Variants in TMEM204 observed in about 807,000 individuals in gnomAD.
The protein encoded by TMEM204 is claudin-like protein 24.
Under a neutral mutation model 19.4 loss-of-function variants are expected in TMEM204, and 15 were observed. The ratio of observed to expected loss-of-function variants is 0.77; its 90% CI spans 0.52 to 1.19. The LOEUF is 1.19. Among genes scored for constraint, TMEM204 ranks in the 50% most tolerant of loss-of-function variants. TMEM204 has a pLI of 0.00. For synonymous variants in TMEM204, 161 were observed against 146.0 expected (o/e 1.10, Z -0.74); for missense variants, 287 against 321.2 (o/e 0.89, Z 0.81).
chr16:1,553,214 CTCTCTGTCTCCATCTG>C lies in TMEM204; in HGVS notation c.437-1560_437-1545del. On this transcript the variant is annotated intron_variant, in intron 2 of 2. Transcript: ENST00000566264. This position sits in a 1 kb window ranked among gnomAD's most constrained non-coding sequence, Gnocchi z 4.4. The stretch of plus-strand genomic sequence containing the variant: ...CTTCCCTGTGTCTCTGTCTCTGTCT[CTCTCTGTCTCCATCTG>C]TCTCTGTGTCTGTCTCTGTCTCTCT... The C allele has an allele frequency of 1.0e-6, 1 of 981,154 alleles. No homozygotes were observed. The highest frequency in any genetic ancestry group is 1.2e-6 in the Non-Finnish European group (1 of 826,090). 60.8% of individuals were successfully genotyped at this position (981,154 alleles called of 1,614,324 possible).
chr16:1,553,887 T>C lies in TMEM204; in HGVS notation c.437-895T>C, dbSNP rs148795935. 560 of 1,263,502 alleles carry C rather than the reference T, an allele frequency of 4.4e-4. 5 individuals are homozygous for C. The African/African-American group carries it at 8.0e-3, about 18-fold the overall frequency. 78.3% of individuals were successfully genotyped at this position (1,263,502 alleles called of 1,614,324 possible). ...TTGGTAGACTCTAGTCACGAAACCC[T>C]GATTTTCCTGTTGTAAGAACTAAAA... On this transcript the variant is annotated intron_variant, in intron 2 of 2. Coordinates refer to ENST00000566264, the MANE Select transcript of TMEM204 (RefSeq NM_024600.6). This position sits in a 1 kb window ranked among gnomAD's most constrained non-coding sequence, Gnocchi z 4.4.
rs2032842397 is a variant in TMEM204 at position 1,553,453 on chromosome 16, G to A, written c.437-1329G>A. The A allele has an allele frequency of 1.0e-6, 1 of 985,456 alleles. No individual in the cohort carries two copies. The highest frequency in any genetic ancestry group is 4.7e-5 in the South Asian group (1 of 21,290). 61.0% of individuals were successfully genotyped at this position (985,456 alleles called of 1,614,324 possible). A position where few individuals can be genotyped will look rare whatever the true frequency, so the allele number is the denominator to read the frequency against. On this transcript the variant is annotated intron_variant, in intron 2 of 2. Transcript: ENST00000566264. This position sits in a 1 kb window ranked among gnomAD's most constrained non-coding sequence, Gnocchi z 4.4. ...AGAGACCGGCATGAACAGACGCACA[G>A]GTGTCAACATGCAGGCCAGGCGGAG...
In TMEM204 at chr16:1,541,916, C is replaced by A; in HGVS notation, c.281-5C>A. 6.3e-7 allele frequency: 1 copy of A among 1,589,994 alleles called. No homozygotes were observed. The highest frequency in any genetic ancestry group is 1.1e-5 in the South Asian group (1 of 88,112). ...CACCACTGCCTCTCTGCTCTTGGCC[C>A]ACAGTGCAGTTCGACATGATGCGCG... On this transcript the variant is annotated splice_polypyrimidine_tract_variant and splice_region_variant and intron_variant, in intron 1 of 2. Coordinates refer to ENST00000566264, the MANE Select transcript of TMEM204 (RefSeq NM_024600.6).
In TMEM204 at chr16:1,549,488, G is replaced by A. The variant is rs895586613; in HGVS notation, c.437-5294G>A. ...GTTGCCCAGGCTGGAGGGCAATGGC[G>A]TGCAATCTCGGCTCACCGCCGCAAG... On this transcript the variant is annotated intron_variant, in intron 2 of 2. Transcript: ENST00000566264. Among the ~76,000 whole-genome samples, 7 of 152,270 alleles carry A rather than the reference G, an allele frequency of 4.6e-5. No individual in the cohort carries two copies. In the South Asian group the frequency reaches 6.2e-4, roughly 14 times the overall value.
chr16:1,548,772 A>C (rs1261872752), intron 2 of TMEM204, among the ~76,000 whole-genome samples: 1 of 152,244 alleles, frequency 6.6e-6, no homozygotes, highest in Non-Finnish European at 1.5e-5. Flanking sequence ...CGGCATCCAC[A>C]GCGCAGTGCG....
chr16:1,540,924 C>G (rs967754971), intron 1 of TMEM204: 3 of 985,446 alleles, frequency 3.0e-6, no homozygotes, highest in Non-Finnish European at 3.6e-6. Context: ...TGTCAGCACA[C>G]ACATTGTCTG....
upstream of TMEM204, among the ~76,000 whole-genome samples, chr16:1,529,150 C>T (rs3784828): frequency 0.2 from 30,006 of 152,168 alleles, 3,709 homozygotes; most frequent in African/African-American, 0.34. Flanking sequence ...TACATGTACT[C>T]GGGTGAATTC....
At chr16:1,535,179 C>G (rs2030940019) in intron 1 of TMEM204, among the ~76,000 whole-genome samples, 1 of 152,052 alleles carries the variant, frequency 6.6e-6, no homozygotes, top group South Asian at 2.1e-4. Context: ...CAGCAGGATC[C>G]CCAGGGATGA....
intron 1 of TMEM204, among the ~76,000 whole-genome samples, chr16:1,535,793 C>T (rs886789243): frequency 2.0e-5 from 3 of 152,250 alleles, no homozygotes; most frequent in Admixed American, 6.5e-5. Flanking sequence ...CACTTCCTCT[C>T]GCATCCTTCA....
At position 1,551,098 on chromosome 16, in the gene TMEM204, C is replaced by T. The variant is rs975841155; in HGVS notation, c.437-3684C>T. On this transcript the variant is annotated intron_variant, in intron 2 of 2. Coordinates refer to ENST00000566264, the MANE Select transcript of TMEM204 (RefSeq NM_024600.6). This position sits in a 1 kb window ranked among gnomAD's most constrained non-coding sequence, Gnocchi z 4.0. ...TCCTCGCCTTTCCCGCAGCTCCACA[C>T]TGCATTCTGTTCTGTTTCACGTCTA... Among the ~76,000 whole-genome samples, 2 of 152,382 alleles carry T rather than the reference C, an allele frequency of 1.3e-5. No individual in the cohort carries two copies. The highest frequency in any genetic ancestry group is 4.8e-5 in the African/African-American group (2 of 41,592).
At chr16:1,543,414 C>T (rs971260925) in intron 2 of TMEM204, among the ~76,000 whole-genome samples, 4 of 152,144 alleles carry the variant, frequency 2.6e-5, no homozygotes, top group African/African-American at 4.8e-5. Context: ...GCTCTCTGAG[C>T]GCTATTAATA....
At position 1,553,575 on chromosome 16, in the gene TMEM204, G is replaced by A. The variant is rs2281236; in HGVS notation, c.437-1207G>A. 339,387 of 1,016,652 alleles carry A rather than the reference G, an allele frequency of 0.33. 60,664 individuals are homozygous for A. Among genetic ancestry groups the A allele is most frequent in the African/African-American group, 0.63 (36,832 of 58,446 alleles). 63.0% of individuals were successfully genotyped at this position (1,016,652 alleles called of 1,614,324 possible). On this transcript the variant is annotated intron_variant, in intron 2 of 2. Coordinates refer to ENST00000566264, the MANE Select transcript of TMEM204 (RefSeq NM_024600.6). This position sits in a 1 kb window ranked among gnomAD's most constrained non-coding sequence, Gnocchi z 4.4. ...GCTGGAGAGTTTAATCTGGACCAGT[G>A]TAAGTTACAGAGAGTCTCTGGCACT...
intron 1 of TMEM204, 132 bp downstream of exon 1, chr16:1,534,687 C>A: frequency 7.4e-7 from 1 of 1,345,628 alleles, no homozygotes; most frequent in East Asian, 2.3e-5. Context: ...GGCCTCTGGG[C>A]AGGCAGGAGG....
chr16:1,541,975 C>T lies in TMEM204; in HGVS notation c.335C>T (p.Ala112Val). The T allele has an allele frequency of 6.2e-7, 1 of 1,611,030 alleles. No homozygotes were observed. Among genetic ancestry groups the T allele is most frequent in the Non-Finnish European group, 8.5e-7 (1 of 1,179,666 alleles). ...CTGGTGGCCACGGCCGCGCTCACCG[C>T]AGGCCAGCTCACCTTCCTCCTGGGG... ...CNLVATAALT[A>V]GQLTFLLGLV... Residue 112 changes from alanine (A) to valine (V), a missense_variant, in exon 2 of 3, where the codon GCA (alanine) becomes GTA (valine). Transcript: ENST00000566264.
chr16:1,555,324 G>A lies in TMEM204; in HGVS notation c.*298G>A, dbSNP rs1040617554. 6 of 400,584 alleles carry A rather than the reference G, an allele frequency of 1.5e-5. No individual in the cohort carries two copies. Among genetic ancestry groups the A allele is most frequent in the East Asian group, 1.0e-4 (2 of 19,798 alleles). The allele number at this position is 400,584 out of a possible 1,614,324, so 24.8% of individuals were successfully genotyped here. A position where few individuals can be genotyped will look rare whatever the true frequency, so the allele number is the denominator to read the frequency against. ...GAAGCTGAGACACAGGTTAGGTGGC[G>A]CGAGGCTGCCCTGCGCTCCGCTTTG... On this transcript the variant is annotated 3_prime_UTR_variant, in exon 3 of 3. Transcript: ENST00000566264.
chr16:1,541,323 C>T, intron 1 of TMEM204: 1 of 985,228 alleles, frequency 1.0e-6, no homozygotes, highest in Non-Finnish European at 1.2e-6. Context: ...CATGTCTGAC[C>T]CCTGCTCAGC....
Position 1,533,748 on chromosome 16 carries a change from C to T in TMEM204, c.-528C>T, listed in dbSNP as rs566762665. 47 of 158,626 alleles carry T rather than the reference C, an allele frequency of 3.0e-4. No homozygotes were observed. Among genetic ancestry groups the T allele is most frequent in the African/African-American group, 1.0e-3 (42 of 41,660 alleles). 9.8% of individuals were successfully genotyped at this position (158,626 alleles called of 1,614,324 possible). A position where few individuals can be genotyped will look rare whatever the true frequency, so the allele number is the denominator to read the frequency against. On this transcript the variant is annotated 5_prime_UTR_variant, in exon 1 of 3. Coordinates refer to ENST00000566264, the MANE Select transcript of TMEM204 (RefSeq NM_024600.6). The surrounding 1 kb of genome is among the most constrained non-coding windows in gnomAD (Gnocchi z 4.7). ...CAGCAGCCACTCTGCTTTCCAGGAC[C>T]GGCCAACTGCCCTGGAGGCATCCAC...
chr16:1,541,062 G>A (rs1004481075), intron 1 of TMEM204: 1 of 985,288 alleles, frequency 1.0e-6, no homozygotes, highest in Non-Finnish European at 1.2e-6. Context: ...GGTCCCTGAG[G>A]GCAACAAACG....
At chr16:1,542,137 A>T in intron 2 of TMEM204, 61 bp downstream of exon 2, 1 of 1,492,940 alleles carries the variant, frequency 6.7e-7, no homozygotes, top group Non-Finnish European at 8.9e-7. Flanking sequence ...CTGGTGCCAC[A>T]GGAGGGTCCT....
Sources: allele counts gnomAD v4.1 joint callset (sites outside exome capture counted in the v4.1 genomes callset), GRCh38; gene constraint gnomAD v4.1.1; non-coding constraint Gnocchi (gnomAD v3.1); transcripts MANE v1.5; gene names NCBI Gene and HGNC (gene_info 2026-07-23, HGNC 2026-07-21).